PUM1: variants seen among roughly 807,000 people sequenced by gnomAD.
The protein encoded by PUM1 is pumilio RNA binding family member 1, also known as pumilio homolog 1.
Under a neutral mutation model 131.8 loss-of-function variants are expected in PUM1, and 13 were observed. The observed-to-expected ratio is 0.10, with a 90% CI of 0.06 to 0.16. The LOEUF (loss-of-function observed/expected upper bound fraction) is 0.16, where lower values mean the gene tolerates loss of function less well. PUM1 is among the 10% of genes least tolerant of loss of function. PUM1 has a pLI of 1.00. For synonymous variants in PUM1, 509 were observed against 556.5 expected (o/e 0.91, Z 1.20); for missense variants, 961 against 1,512.4 (o/e 0.64, Z 6.05).
chr1:31,035,568 A>G (rs1158800822), intron 2 of PUM1, among the ~76,000 whole-genome samples: 5 of 152,054 alleles, frequency 3.3e-5, no homozygotes, highest in Admixed American at 3.3e-4. Context: ...CCTGACCAAC[A>G]TGGAGAAACA....
intron 17 of PUM1, among the ~76,000 whole-genome samples, chr1:30,948,930 G>A (rs1639806950): frequency 6.6e-6 from 1 of 152,164 alleles, no homozygotes; most frequent in Non-Finnish European, 1.5e-5. Context: ...ACTAAGCACT[G>A]AATAAATGAA....
chr1:31,039,265 C>T (rs1643743037), intron 2 of PUM1, among the ~76,000 whole-genome samples: 1 of 150,760 alleles, frequency 6.6e-6, no homozygotes, highest in South Asian at 2.1e-4. Flanking sequence ...GTCACCCAGG[C>T]TGGAGTGCAG....
At chr1:30,970,093 C>T (rs1165137770) in intron 10 of PUM1, among the ~76,000 whole-genome samples, 1 of 152,168 alleles carries the variant, frequency 6.6e-6, no homozygotes, top group Non-Finnish European at 1.5e-5. Flanking sequence ...AACCCACAAA[C>T]CAAGGCTAAA....
rs1640659166 is a variant in PUM1, at chr1:30,967,226, GCTCCAAGAC to G, written c.1721_1729del (p.Gly574_Gly576del). ...GGCAGGAGCTACAAGTCGAACAGGA[GCTCCAAGAC>G]CATTTCTCGCGCCTGCATTCACTAC... is the stretch of plus-strand genomic sequence containing the variant. On this transcript the variant is annotated inframe_deletion, in exon 12 of 22. Coordinates refer to ENST00000426105, the MANE Select transcript of PUM1 (RefSeq NM_001020658.2). 1 of 1,614,094 alleles carries G rather than the reference GCTCCAAGAC, an allele frequency of 6.2e-7. No homozygotes were observed. Among genetic ancestry groups the G allele is most frequent in the Non-Finnish European group, 8.5e-7 (1 of 1,180,004 alleles).
chr1:31,018,722 T>G (rs1461049616), intron 3 of PUM1, among the ~76,000 whole-genome samples: 1 of 152,156 alleles, frequency 6.6e-6, no homozygotes, highest in Admixed American at 6.5e-5. Flanking sequence ...TTGCCCATTA[T>G]GATGATCAAG....
intron 2 of PUM1, among the ~76,000 whole-genome samples, chr1:31,039,679 T>G (rs1294198322): frequency 6.7e-6 from 1 of 150,132 alleles, no homozygotes; most frequent in African/African-American, 2.5e-5. Context: ...GGCAGGCTAA[T>G]CACCTGAGGT....
chr1:31,007,475 C>T (rs1467235096), intron 3 of PUM1, among the ~76,000 whole-genome samples: 1 of 152,176 alleles, frequency 6.6e-6, no homozygotes, highest in African/African-American at 2.4e-5. Context: ...GTATTTACAA[C>T]TATTAAAACA....
chr1:30,960,558 A>G (rs1640362115), intron 14 of PUM1, among the ~76,000 whole-genome samples: 1 of 152,258 alleles, frequency 6.6e-6, no homozygotes, highest in East Asian at 1.9e-4. Flanking sequence ...GCCACAGTAT[A>G]TAAGATCAAT....
At position 30,985,781 on chromosome 1, in the gene PUM1, T is replaced by C. The variant is rs150350626; in HGVS notation, c.1159-4376A>G. Among the ~76,000 whole-genome samples the C allele has an allele frequency of 4.5e-4, 69 of 152,292 alleles. No homozygotes were observed. In the East Asian group the frequency reaches 0.012, roughly 27 times the overall value. On this transcript the variant is annotated intron_variant, in intron 7 of 21. Coordinates refer to ENST00000426105, the MANE Select transcript of PUM1 (RefSeq NM_001020658.2). Reference sequence around the variant, plus strand: ...TTACGGATGAGTACTTTCTGCATTATACTACTTTAAGAAAAAGCTATGTAG... The same window carrying C: ...TTACGGATGAGTACTTTCTGCATTACACTACTTTAAGAAAAAGCTATGTAG...
chr1:31,051,279 G>T (rs1258446229), intron 2 of PUM1, among the ~76,000 whole-genome samples: 1 of 151,004 alleles, frequency 6.6e-6, no homozygotes, highest in Non-Finnish European at 1.5e-5. Flanking sequence ...TACAAGTGGA[G>T]TCAAAATATA....
chr1:30,937,255 G>A (rs1639249886), intron 20 of PUM1, among the ~76,000 whole-genome samples: 1 of 152,112 alleles, frequency 6.6e-6, no homozygotes, highest in Non-Finnish European at 1.5e-5. Context: ...CCACCAGCTG[G>A]TTATTATTTT....
chr1:30,943,511 C>G (rs559123335), intron 18 of PUM1, among the ~76,000 whole-genome samples: 1 of 152,152 alleles, frequency 6.6e-6, no homozygotes, highest in African/African-American at 2.4e-5. Flanking sequence ...CTCAGCCTCC[C>G]AAAGTGCTGG....
At chr1:30,945,519 G>T in intron 17 of PUM1, 36 bp from the exon 18 acceptor site, 1 of 1,611,458 alleles carries the variant, frequency 6.2e-7, no homozygotes, top group Non-Finnish European at 8.5e-7. Context: ...CAGAATCACA[G>T]CAAGCAAACA....
chr1:31,049,515 C>CAAA (rs112696868), intron 2 of PUM1, among the ~76,000 whole-genome samples: 1 of 121,932 alleles, frequency 8.2e-6, no homozygotes. Flanking sequence ...GATTCCGTCT[C>CAAA]AAAAAAAAAA....
chr1:31,044,314 T>C (rs1377395875), intron 2 of PUM1, among the ~76,000 whole-genome samples: 3 of 152,042 alleles, frequency 2.0e-5, no homozygotes, highest in East Asian at 1.9e-4. Context: ...GGCAAGAGAA[T>C]GGCGGGAACC....
At chr1:30,966,510 A>G (rs1405037297) in intron 12 of PUM1, 1 of 479,056 alleles carries the variant, frequency 2.1e-6, no homozygotes, top group Non-Finnish European at 3.7e-6. Context: ...GTTGCTTTTA[A>G]GAGTATACAG....
At chr1:30,934,461 T>C (rs1322624726) in intron 21 of PUM1, among the ~76,000 whole-genome samples, 2 of 151,992 alleles carry the variant, frequency 1.3e-5, no homozygotes, top group East Asian at 1.9e-4. Flanking sequence ...CAAGGAAGGG[T>C]TGATCCGGTC....
rs58848270 is a variant in PUM1, at chr1:30,942,191, TTATATATATATATATATATATATATA to T, written c.2995-94_2995-69del. 631 of 145,264 alleles carry T rather than the reference TTATATATATATATATATATATATATA, an allele frequency of 4.3e-3. 46 individuals carry two copies. The highest frequency in any genetic ancestry group is 8.1e-3 in the African/African-American group (134 of 16,594). 9.0% of individuals were successfully genotyped at this position (145,264 alleles called of 1,614,324 possible). Reference sequence around the variant, plus strand: ...ACCACCTTCAATGCTTCAGTATTGTTTATATATATATATATATATATATATATATATATATATATATATATGTATTA... The same window carrying T: ...ACCACCTTCAATGCTTCAGTATTGTTTATATATATATATATATATGTATTA... On this transcript the variant is annotated intron_variant, in intron 18 of 21. Transcript: ENST00000426105.
chr1:31,059,779 A>T (rs1304801783), intron 1 of PUM1, among the ~76,000 whole-genome samples: 22 of 152,090 alleles, frequency 1.4e-4, no homozygotes, highest in Admixed American at 1.4e-3. Flanking sequence ...GCAATACAGA[A>T]TTAGACTTCT....
Sources: gnomAD v4.1 joint callset for allele counts (sites outside exome capture counted in the v4.1 genomes callset) on GRCh38, gnomAD v4.1.1 for gene constraint, MANE v1.5 for transcripts, NCBI Gene and HGNC (gene_info 2026-07-23, HGNC 2026-07-21) for gene names.